RBFOX1: variants seen among roughly 807,000 people sequenced by gnomAD.
The protein encoded by RBFOX1 is RNA binding protein fox-1 homolog 1.
A neutral mutation model predicts 57.7 loss-of-function variants in RBFOX1; 8 were observed. The ratio of observed to expected loss-of-function variants is 0.14; its 90% CI spans 0.08 to 0.25. The LOEUF is 0.25. Ranked by LOEUF, RBFOX1 falls within the 10% of genes least tolerant of loss-of-function variation. The pLI is 1.00. For missense variants in RBFOX1, 611 were observed against 548.5 expected (o/e 1.11, Z -1.14); for synonymous variants, 326 against 222.4 (o/e 1.47, Z -4.15).
intron 3 of RBFOX1, among the ~76,000 whole-genome samples, chr16:6,973,183 G>A (rs1380692272): frequency 6.6e-6 from 1 of 151,210 alleles, no homozygotes; most frequent in African/African-American, 2.4e-5. Context: ...CTTTGAGAGA[G>A]TGTGTGTGTG....
At chr16:6,611,338 G>A (rs546461737) in intron 2 of RBFOX1, among the ~76,000 whole-genome samples, 4 of 152,092 alleles carry the variant, frequency 2.6e-5, no homozygotes, top group Admixed American at 6.5e-5. Flanking sequence ...GTAGAGACAG[G>A]GTTTTGCCAT....
chr16:6,585,227 T>C (rs1248321183), intron 2 of RBFOX1, among the ~76,000 whole-genome samples: 1 of 152,174 alleles, frequency 6.6e-6, no homozygotes, highest in African/African-American at 2.4e-5. Context: ...TAGATAACTA[T>C]CATCTTTCCT....
At chr16:5,631,615 G>T (rs1314629633) in intron 3 of RBFOX1, among the ~76,000 whole-genome samples, 1 of 151,722 alleles carries the variant, frequency 6.6e-6, no homozygotes, top group Non-Finnish European at 1.5e-5. Flanking sequence ...TCAGTTTTAG[G>T]TAATTTATTG....
rs974010337 is a variant in RBFOX1, at chr16:6,984,712, C to G, written c.-15-67345C>G. 2.6e-5 allele frequency among the ~76,000 whole-genome samples: 4 copies of G among 152,128 alleles called. No homozygotes were observed. In the South Asian group the frequency reaches 6.2e-4, roughly 24 times the overall value. ...CTGGAGTGCAGTGGTGTGATCTCTTCTCACTGCAACCTCTGCCTCCCAGGT... is the reference window on the plus strand; with the variant it reads ...CTGGAGTGCAGTGGTGTGATCTCTTGTCACTGCAACCTCTGCCTCCCAGGT... On this transcript the variant is annotated intron_variant, in intron 3 of 15. Coordinates refer to ENST00000550418, the MANE Select transcript of RBFOX1 (RefSeq NM_018723.4).
At position 6,485,744 on chromosome 16, in the gene RBFOX1, C is replaced by T. The variant is rs942055565; in HGVS notation, c.-64+168687C>T. 7.9e-5 allele frequency among the ~76,000 whole-genome samples: 12 copies of T among 152,146 alleles called. 1 individual carries two copies. Among genetic ancestry groups the T allele is most frequent in the Non-Finnish European group, 1.3e-4 (9 of 68,018 alleles). On this transcript the variant is annotated intron_variant, in intron 2 of 15. Coordinates refer to ENST00000550418, the MANE Select transcript of RBFOX1 (RefSeq NM_018723.4). ...TGTTACCCCAAATTGAGGGTTTATACGAAAGTACTTTCTGTCTCATGACTT... is the reference window on the plus strand; with the variant it reads ...TGTTACCCCAAATTGAGGGTTTATATGAAAGTACTTTCTGTCTCATGACTT...
At chr16:7,379,564 G>A (rs1282277546) in intron 4 of RBFOX1, among the ~76,000 whole-genome samples, 1 of 152,162 alleles carries the variant, frequency 6.6e-6, no homozygotes, top group Non-Finnish European at 1.5e-5. Flanking sequence ...GCATACATAT[G>A]TGGTAAATAT....
intron 4 of RBFOX1, among the ~76,000 whole-genome samples, chr16:7,195,829 A>C (rs1453705491): frequency 6.6e-6 from 1 of 152,206 alleles, no homozygotes; most frequent in Admixed American, 6.5e-5. Context: ...CTGGGGTTAC[A>C]GGCATGAACC....
intron 1 of RBFOX1, among the ~76,000 whole-genome samples, chr16:6,213,219 G>T (rs930158729): frequency 9.2e-5 from 14 of 151,524 alleles, no homozygotes; most frequent in Non-Finnish European, 4.4e-5. Flanking sequence ...GTGTCTTTGG[G>T]GATAGCTTTA....
chr16:7,234,493 A>T (rs1029881150), intron 4 of RBFOX1, among the ~76,000 whole-genome samples: 1 of 152,036 alleles, frequency 6.6e-6, no homozygotes, highest in African/African-American at 2.4e-5. Flanking sequence ...CCAGGCTCAA[A>T]GTTTGTCTTC....
At chr16:7,208,454 G>A (rs1349377817) in intron 4 of RBFOX1, among the ~76,000 whole-genome samples, 1 of 152,144 alleles carries the variant, frequency 6.6e-6, no homozygotes, top group Non-Finnish European at 1.5e-5. Context: ...TCCACTCGTG[G>A]CAGAAAGAGA....
At chr16:6,767,971 G>T (rs1459431170) in intron 3 of RBFOX1, among the ~76,000 whole-genome samples, 5 of 148,636 alleles carry the variant, frequency 3.4e-5, no homozygotes, top group East Asian at 1.9e-4. Context: ...AGAAGAAGAA[G>T]AAGAAGAAGA....
rs747960592 is a variant in RBFOX1 at position 5,424,974 on chromosome 16, C to CTTTTCTTTTCTTTTCT, written c.220-42239_220-42238insTCTTTTCTTTTCTTTT. ...TTCCTTTGTTTCTTTCTCTTTCTTT[C>CTTTTCTTTTCTTTTCT]TTTCTTTTCTTTTCTTTTCTTTTCT... On this transcript the variant is annotated intron_variant, in intron 1 of 2. Transcript: ENST00000585867. Among the ~76,000 whole-genome samples, 25 of 70,682 alleles carry CTTTTCTTTTCTTTTCT rather than the reference C, an allele frequency of 3.5e-4. 3 individuals carry two copies. The highest frequency in any genetic ancestry group is 1.5e-3 in the African/African-American group (25 of 16,528). The allele number at this position is 70,682 out of a possible 152,430, so 46.4% of individuals were successfully genotyped here. A position where few individuals can be genotyped will look rare whatever the true frequency, so the allele number is the denominator to read the frequency against.
At chr16:5,983,174 C>T (rs535869056) in intron 4 of RBFOX1, among the ~76,000 whole-genome samples, 2 of 152,320 alleles carry the variant, frequency 1.3e-5, no homozygotes, top group East Asian at 3.9e-4. Context: ...ACCCCAGATG[C>T]CTCCTGTCAG....
chr16:6,549,650 T>C (rs2096956024), intron 2 of RBFOX1, among the ~76,000 whole-genome samples: 1 of 151,936 alleles, frequency 6.6e-6, no homozygotes, highest in South Asian at 2.1e-4. Flanking sequence ...ATTTGAGTCA[T>C]GTGCCTACTT....
chr16:7,331,910 C>T (rs988458309), intron 4 of RBFOX1, among the ~76,000 whole-genome samples: 9 of 152,046 alleles, frequency 5.9e-5, no homozygotes, highest in Admixed American at 4.6e-4. Flanking sequence ...TTTCAAACAC[C>T]AGAAAGATTT....
chr16:6,486,946 C>T (rs892704771), intron 2 of RBFOX1, among the ~76,000 whole-genome samples: 1 of 152,086 alleles, frequency 6.6e-6, no homozygotes, highest in Non-Finnish European at 1.5e-5. Context: ...GCTGAACCCC[C>T]TCTTCTTGCA....
intron 1 of RBFOX1, among the ~76,000 whole-genome samples, chr16:6,100,468 T>C (rs1193304495): frequency 6.6e-6 from 1 of 152,228 alleles, no homozygotes; most frequent in Non-Finnish European, 1.5e-5. Flanking sequence ...GGCCGGCTTA[T>C]TGCTTTATTC....
At chr16:7,421,764 A>C (rs997520999) in intron 4 of RBFOX1, among the ~76,000 whole-genome samples, 1 of 152,218 alleles carries the variant, frequency 6.6e-6, no homozygotes, top group African/African-American at 2.4e-5. Flanking sequence ...TTTCTGTACC[A>C]TGGCATCGTG....
chr16:6,719,059 A>G (rs12597381), intron 3 of RBFOX1, among the ~76,000 whole-genome samples: 11,703 of 151,898 alleles, frequency 0.077, 602 homozygotes, highest in East Asian at 0.29. Flanking sequence ...TACAGATGAG[A>G]CTTTGCCATG....
Sources: gnomAD v4.1 joint callset for allele counts (sites outside exome capture counted in the v4.1 genomes callset) on GRCh38, gnomAD v4.1.1 for gene constraint, MANE v1.5 for transcripts, NCBI Gene and HGNC (gene_info 2026-07-23, HGNC 2026-07-21) for gene names.